DOK6: variants seen among roughly 807,000 people sequenced by gnomAD.
The protein encoded by DOK6 is docking protein 6, also known as downstream of tyrosine kinase 6.
In DOK6, 22 loss-of-function variants were observed where a neutral mutation model predicts 44.0. The ratio of observed to expected loss-of-function variants is 0.50; its 90% CI spans 0.36 to 0.71. DOK6 has a LOEUF of 0.71. Among genes scored for constraint, DOK6 ranks in the 30% least tolerant of loss-of-function variants. The probability of loss-of-function intolerance (pLI) is 0.00; values close to 1 mark genes in which losing one functional copy is unlikely to be tolerated. For missense variants in DOK6, 340 were observed against 416.4 expected, an observed-to-expected ratio of 0.82 and a Z score of 1.60; for synonymous variants, 166 against 145.5, an observed-to-expected ratio of 1.14 and a Z score of -1.01.
chr18:69,710,851 A>G (rs914424066), intron 5 of DOK6, among the ~76,000 whole-genome samples: 8 of 152,234 alleles, frequency 5.3e-5, no homozygotes, highest in Non-Finnish European at 1.2e-4. Flanking sequence ...CTTAGATGAA[A>G]TAGGTAGCTT....
At chr18:69,789,647 T>C (rs1980534881) in intron 7 of DOK6, among the ~76,000 whole-genome samples, 1 of 152,148 alleles carries the variant, frequency 6.6e-6, no homozygotes, top group African/African-American at 2.4e-5. Context: ...AAAAGAAACT[T>C]TTTACAAACA....
intron 1 of DOK6, among the ~76,000 whole-genome samples, chr18:69,421,760 C>T (rs376235379): frequency 2.0e-5 from 3 of 152,040 alleles, no homozygotes; most frequent in East Asian, 1.9e-4. Flanking sequence ...TGGTTTTAAA[C>T]GTATTCATTG....
chr18:69,576,663 A>G (rs1038634217), intron 2 of DOK6, among the ~76,000 whole-genome samples: 3 of 152,160 alleles, frequency 2.0e-5, no homozygotes, highest in Non-Finnish European at 4.4e-5. Flanking sequence ...TACTTTTTAG[A>G]AACTTCTTGG....
intron 1 of DOK6, among the ~76,000 whole-genome samples, chr18:69,515,409 C>A (rs1192773445): frequency 1.3e-5 from 2 of 152,164 alleles, no homozygotes; most frequent in African/African-American, 2.4e-5. Flanking sequence ...CACTAGATAA[C>A]CTGCTTTTTA....
chr18:69,781,830 A>T (rs930711446), intron 7 of DOK6, among the ~76,000 whole-genome samples: 2 of 152,146 alleles, frequency 1.3e-5, no homozygotes, highest in African/African-American at 4.8e-5. Context: ...TTTCATCCAG[A>T]TGACTACCTT....
chr18:69,556,459 T>C (rs1982689045), intron 1 of DOK6, among the ~76,000 whole-genome samples: 1 of 152,030 alleles, frequency 6.6e-6, no homozygotes, highest in Non-Finnish European at 1.5e-5. Context: ...ATTCTCTCCA[T>C]AGCACATAGC....
chr18:69,812,683 G>A (rs1042242360), intron 7 of DOK6, among the ~76,000 whole-genome samples: 3 of 152,064 alleles, frequency 2.0e-5, no homozygotes, highest in African/African-American at 7.2e-5. Context: ...ACCTGAGATT[G>A]GGTAATTTAT....
At chr18:69,636,686 G>A (rs17081371) in intron 3 of DOK6, among the ~76,000 whole-genome samples, 4,078 of 152,274 alleles carry the variant, frequency 0.027, 61 homozygotes, top group African/African-American at 0.049. Context: ...TCTCACTTCT[G>A]CTAGCTGCTC....
At chr18:69,428,466 T>C (rs1398984428) in intron 1 of DOK6, among the ~76,000 whole-genome samples, 1 of 151,992 alleles carries the variant, frequency 6.6e-6, no homozygotes, top group Non-Finnish European at 1.5e-5. Flanking sequence ...TCTTCTTTAT[T>C]ATCTGAAATT....
At chr18:69,605,866 T>C (rs1254625116) in intron 3 of DOK6, among the ~76,000 whole-genome samples, 1 of 152,160 alleles carries the variant, frequency 6.6e-6, no homozygotes, top group Non-Finnish European at 1.5e-5. Context: ...TGCAAGACAG[T>C]TCTGGAAGCT....
chr18:69,739,495 C>A (rs1015505587), intron 6 of DOK6, among the ~76,000 whole-genome samples: 1 of 152,228 alleles, frequency 6.6e-6, no homozygotes, highest in East Asian at 1.9e-4. Context: ...TATTTTTTAA[C>A]CTTTATGTTT....
At chr18:69,419,490 C>T (rs1339503771) in intron 1 of DOK6, among the ~76,000 whole-genome samples, 2 of 151,910 alleles carry the variant, frequency 1.3e-5, no homozygotes, top group African/African-American at 2.4e-5. Context: ...AGTAATAGCA[C>T]CTAAAGAAAT....
intron 5 of DOK6, among the ~76,000 whole-genome samples, chr18:69,709,410 AT>A (rs1466037820): frequency 6.6e-6 from 1 of 152,082 alleles, no homozygotes; most frequent in Non-Finnish European, 1.5e-5. Flanking sequence ...TTATTGCAAT[AT>A]TTTTTAAAAA....
rs574444798 is a variant in DOK6, at chr18:69,629,053, A to G, written c.289+29555A>G. Among the ~76,000 whole-genome samples the G allele has an allele frequency of 3.3e-5, 5 of 152,352 alleles. No homozygotes were observed. The South Asian group carries it at 6.2e-4, about 19-fold the overall frequency. ...AGTAGCAAAAAGTGTCAATTTAGTC[A>G]CAAAGGCTGAAATGTTCTAAGGTCT... is the stretch of plus-strand genomic sequence containing the variant. On this transcript the variant is annotated intron_variant, in intron 3 of 7. Coordinates refer to ENST00000382713, the MANE Select transcript of DOK6 (RefSeq NM_152721.6).
At chr18:69,550,809 G>C (rs1599187094) in intron 1 of DOK6, among the ~76,000 whole-genome samples, 1 of 123,740 alleles carries the variant, frequency 8.1e-6, no homozygotes, top group African/African-American at 3.1e-5. Flanking sequence ...ATTTTGAGAC[G>C]GTCTTACTCC....
intron 7 of DOK6, among the ~76,000 whole-genome samples, chr18:69,827,459 T>A (rs1451873929): frequency 6.6e-6 from 1 of 152,052 alleles, no homozygotes; most frequent in Non-Finnish European, 1.5e-5. Context: ...ATTAATCTAA[T>A]CAGTTATCAG....
intron 1 of DOK6, among the ~76,000 whole-genome samples, chr18:69,410,684 T>G (rs1303298781): frequency 6.6e-6 from 1 of 152,244 alleles, no homozygotes; most frequent in East Asian, 1.9e-4. Flanking sequence ...ACATGACTGA[T>G]GCTTCTACCA....
At chr18:69,593,356 A>G (rs946470241) in intron 2 of DOK6, among the ~76,000 whole-genome samples, 1 of 151,932 alleles carries the variant, frequency 6.6e-6, no homozygotes, top group Admixed American at 6.6e-5. Flanking sequence ...TGGGCCACAG[A>G]ACAAGGCCCT....
At chr18:69,674,821 G>A (rs1985884741) in intron 3 of DOK6, among the ~76,000 whole-genome samples, 1 of 152,064 alleles carries the variant, frequency 6.6e-6, no homozygotes, top group Non-Finnish European at 1.5e-5. Flanking sequence ...CATCCCACTA[G>A]ACTCTATGAT....
Sources: gnomAD v4.1 joint callset for allele counts (sites outside exome capture counted in the v4.1 genomes callset) on GRCh38, gnomAD v4.1.1 for gene constraint, MANE v1.5 for transcripts, NCBI Gene and HGNC (gene_info 2026-07-23, HGNC 2026-07-21) for gene names.